KCNK2: variants seen among roughly 807,000 people sequenced by gnomAD.
The protein encoded by KCNK2 is potassium channel subfamily K member 2.
A neutral mutation model predicts 40.5 loss-of-function variants in KCNK2; 21 were observed. That is an observed-to-expected ratio of 0.52 (90% confidence interval 0.37 to 0.75). KCNK2 has a LOEUF of 0.75. Among genes scored for constraint, KCNK2 ranks in the 30% least tolerant of loss-of-function variants. The pLI is 0.00. For missense variants in KCNK2, 399 were observed against 531.6 expected, an observed-to-expected ratio of 0.75 and a Z score of 2.45; for synonymous variants, 191 against 202.2, an observed-to-expected ratio of 0.94 and a Z score of 0.47.
In KCNK2 at chr1:215,077,562, G is replaced by A. The variant is rs113991409; in HGVS notation, c.35-8806G>A. ...AGAGGGATTTTTTTAAAATGCACTT[G>A]ATGAGATTTCTTCTGCGATGAAAAT... On this transcript the variant is annotated intron_variant, in intron 1 of 6. Coordinates refer to the KCNK2 transcript ENST00000391895. Among the ~76,000 whole-genome samples the A allele has an allele frequency of 4.3e-3, 652 of 152,138 alleles. 4 individuals are homozygous for A. Among genetic ancestry groups the A allele is most frequent in the Non-Finnish European group, 6.3e-3 (428 of 68,006 alleles).
intron 3 of KCNK2, among the ~76,000 whole-genome samples, chr1:215,156,528 G>GAAAAAGATCT (rs966932183): frequency 4.6e-5 from 7 of 152,162 alleles, no homozygotes; most frequent in African/African-American, 1.7e-4. Context: ...GGCTGATGGG[G>GAAAAAGATCT]AAAAAGATCT....
intron 1 of KCNK2, among the ~76,000 whole-genome samples, chr1:215,059,053 A>G (rs1658265260): frequency 7.1e-6 from 1 of 141,080 alleles, no homozygotes; most frequent in African/African-American, 2.5e-5. Context: ...GCACATATAC[A>G]TGTGTATATA....
rs370247090 is a variant in KCNK2, at chr1:215,169,431, A to G, written c.636+72A>G. 9.3e-6 allele frequency: 11 copies of G among 1,183,620 alleles called. 1 individual carries two copies. In the African/African-American group the frequency reaches 1.1e-4, roughly 12 times the overall value. 73.3% of individuals were successfully genotyped at this position (1,183,620 alleles called of 1,614,324 possible). ...TTTAAAAAATTATATCTTTTCTGTC[A>G]CCTCAGATACAATTAGACATTCAAT... is the stretch of plus-strand genomic sequence containing the variant. On this transcript the variant is annotated intron_variant, in intron 4 of 6. Transcript: ENST00000444842.
At chr1:215,140,342 AAC>A (rs1377597330) in intron 3 of KCNK2, among the ~76,000 whole-genome samples, 1 of 152,156 alleles carries the variant, frequency 6.6e-6, no homozygotes, top group Non-Finnish European at 1.5e-5. Flanking sequence ...CTGTGAGAAA[AAC>A]AGTGTGATGT....
chr1:215,078,986 CA>C (rs1189722211), upstream of KCNK2, among the ~76,000 whole-genome samples: 4 of 151,976 alleles, frequency 2.6e-5, no homozygotes, highest in Admixed American at 6.6e-5. Context: ...AGGCCAAGGT[CA>C]AAAATCAAAA....
chr1:215,158,127 A>G lies in KCNK2; in HGVS notation c.476-11072A>G, dbSNP rs866388582. On this transcript the variant is annotated intron_variant, in intron 3 of 6. Transcript: ENST00000444842. ...ATGGCGGCTAAAGAAATATTTGACA[A>G]GTGAAGCAGAGAATGTTCAGAGAAG... 2.6e-5 allele frequency among the ~76,000 whole-genome samples: 4 copies of G among 152,316 alleles called. No individual in the cohort carries two copies. The South Asian group carries it at 8.3e-4, about 32-fold the overall frequency.
chr1:215,115,690 G>T (rs970510657), intron 2 of KCNK2, among the ~76,000 whole-genome samples: 8 of 151,296 alleles, frequency 5.3e-5, no homozygotes, highest in African/African-American at 1.5e-4. Context: ...GTTTCTTTCT[G>T]ACTTCTTCTT....
chr1:215,086,064 T>C (rs1659418859), intron 1 of KCNK2, among the ~76,000 whole-genome samples: 1 of 152,170 alleles, frequency 6.6e-6, no homozygotes, highest in African/African-American at 2.4e-5. Context: ...GATGTAAATT[T>C]AGAAATTGAT....
chr1:215,076,993 G>A (rs533488240), intron 1 of KCNK2, among the ~76,000 whole-genome samples: 1 of 152,318 alleles, frequency 6.6e-6, no homozygotes, highest in South Asian at 2.1e-4. Flanking sequence ...GGTTCTGTTT[G>A]CTCTGTATTG....
Position 215,172,109 on chromosome 1 carries a change from G to T in KCNK2, c.749G>T (p.Gly250Val). ...GCGATCATATTCAAACACATAGAAGGCTGGAGTGCCCTGGACGCCATTTAT... is the reference window on the plus strand; with the variant it reads ...GCGATCATATTCAAACACATAGAAGTCTGGAGTGCCCTGGACGCCATTTAT... ...LPAIIFKHIE[G>V]WSALDAIYFV... Residue 250 changes from glycine (G) to valine (V), a missense_variant, in exon 5 of 7, where the codon GGC (glycine) becomes GTC (valine). This residue lies in a region of KCNK2 where 279 missense variants were observed against 353.8 expected (regional missense o/e 0.79). Transcript: ENST00000444842. 2 of 1,613,634 alleles carry T rather than the reference G, an allele frequency of 1.2e-6. No individual in the cohort carries two copies. The highest frequency in any genetic ancestry group is 1.7e-6 in the Non-Finnish European group (2 of 1,179,774).
chr1:215,082,634 C>T (rs28545309), upstream of KCNK2, among the ~76,000 whole-genome samples: 21,543 of 151,510 alleles, frequency 0.14, 1,554 homozygotes, highest in Middle Eastern at 0.25. Flanking sequence ...CTTGCAGGGG[C>T]GACGCAGGCA....
At chr1:215,216,002 T>C (rs1558144199) in intron 6 of KCNK2, among the ~76,000 whole-genome samples, 1 of 152,206 alleles carries the variant, frequency 6.6e-6, no homozygotes, top group East Asian at 1.9e-4. Context: ...AGCAGCATGC[T>C]TGTAAGACAG....
intron 3 of KCNK2, among the ~76,000 whole-genome samples, chr1:215,142,539 GGT>G (rs1662229966): frequency 6.6e-6 from 1 of 152,078 alleles, no homozygotes; most frequent in African/African-American, 2.4e-5. Flanking sequence ...GAGTCTAAAA[GGT>G]GATCTTTCTT....
chr1:215,164,620 T>G (rs1021068459), intron 3 of KCNK2, among the ~76,000 whole-genome samples: 1 of 152,200 alleles, frequency 6.6e-6, no homozygotes, highest in African/African-American at 2.4e-5. Flanking sequence ...ATTGTGTCTT[T>G]GTTCTCATTG....
chr1:215,072,602 G>A (rs1207482887), intron 1 of KCNK2, among the ~76,000 whole-genome samples: 1 of 152,160 alleles, frequency 6.6e-6, no homozygotes, highest in African/African-American at 2.4e-5. Flanking sequence ...TAAAGCTGAT[G>A]AGAATATTTT....
chr1:215,087,356 C>G (rs1659491183), intron 2 of KCNK2, among the ~76,000 whole-genome samples: 1 of 152,208 alleles, frequency 6.6e-6, no homozygotes, highest in African/African-American at 2.4e-5. Flanking sequence ...TTGAATAAAA[C>G]TAACTTAGTT....
At chr1:215,093,496 T>C (rs1376994837) in intron 2 of KCNK2, among the ~76,000 whole-genome samples, 3 of 41,592 alleles carry the variant, frequency 7.2e-5, no homozygotes, top group African/African-American at 2.9e-4. Context: ...ATATATGTTA[T>C]ATATTATATA....
At chr1:215,229,698 G>A (rs945780542) in intron 6 of KCNK2, among the ~76,000 whole-genome samples, 1 of 151,856 alleles carries the variant, frequency 6.6e-6, no homozygotes, top group East Asian at 1.9e-4. Flanking sequence ...AAAAGATTTT[G>A]TTTTTAAAAA....
At chr1:215,163,211 A>G (rs1009989996) in intron 3 of KCNK2, among the ~76,000 whole-genome samples, 1 of 152,166 alleles carries the variant, frequency 6.6e-6, no homozygotes, top group Non-Finnish European at 1.5e-5. Context: ...GAGTTCACTC[A>G]TGATTTGGCT....
Sources: gnomAD v4.1 joint callset for allele counts (sites outside exome capture counted in the v4.1 genomes callset) on GRCh38, gnomAD v4.1.1 for gene constraint, gnomAD v4.1.1 regional missense constraint, MANE v1.5 for transcripts, NCBI Gene and HGNC (gene_info 2026-07-23, HGNC 2026-07-21) for gene names.